KHDRBS2: variants seen among roughly 807,000 people sequenced by gnomAD.
KHDRBS2 encodes KH RNA binding domain containing, signal transduction associated 2.
In KHDRBS2, 26 loss-of-function variants were observed where a neutral mutation model predicts 44.3. That is an observed-to-expected ratio of 0.59 (90% confidence interval 0.43 to 0.81). KHDRBS2 has a LOEUF of 0.81. Among genes scored for constraint, KHDRBS2 ranks in the 40% least tolerant of loss-of-function variants. The pLI is 0.00. For synonymous variants in KHDRBS2, 194 were observed against 151.1 expected, an observed-to-expected ratio of 1.28 and a Z score of -2.08; for missense variants, 476 against 433.1, an observed-to-expected ratio of 1.10 and a Z score of -0.88.
the KHDRBS2 span, among the ~76,000 whole-genome samples, chr6:61,595,485 A>AAAC: frequency 2.0e-4 from 30 of 152,150 alleles, 1 homozygote; most frequent in East Asian, 1.7e-3. Context: ...TTTTTTTAAC[A>AAAC]AACACACATC....
intron 2 of KHDRBS2, among the ~76,000 whole-genome samples, chr6:62,096,900 T>C (rs1048663966): frequency 6.6e-6 from 1 of 151,888 alleles, no homozygotes; most frequent in African/African-American, 2.4e-5. Flanking sequence ...TGCTATAATT[T>C]TGGGAGTACT....
At chr6:62,246,215 A>G (rs1251532151) in intron 1 of KHDRBS2, among the ~76,000 whole-genome samples, 1 of 150,920 alleles carries the variant, frequency 6.6e-6, no homozygotes, top group East Asian at 1.9e-4. Flanking sequence ...AGAGGAATGT[A>G]TATTAAAATA....
intron 6 of KHDRBS2, among the ~76,000 whole-genome samples, chr6:61,857,791 A>G (rs917393385): frequency 6.6e-5 from 10 of 151,872 alleles, no homozygotes; most frequent in African/African-American, 2.4e-4. Context: ...TCTCTGCAAC[A>G]CCTTGAAATT....
chr6:62,241,708 C>T (rs542784565), intron 1 of KHDRBS2, among the ~76,000 whole-genome samples: 1 of 148,344 alleles, frequency 6.7e-6, no homozygotes, highest in African/African-American at 2.6e-5. Flanking sequence ...TATTTGACCA[C>T]AGGGATAATA....
chr6:61,644,336 C>A, the KHDRBS2 span, among the ~76,000 whole-genome samples: 1 of 151,950 alleles, frequency 6.6e-6, no homozygotes, highest in African/African-American at 2.4e-5. Flanking sequence ...AATGTAAAAC[C>A]CTGAATTATA....
chr6:61,912,803 G>A (rs1448692098), intron 4 of KHDRBS2, among the ~76,000 whole-genome samples: 1 of 152,160 alleles, frequency 6.6e-6, no homozygotes. Flanking sequence ...GTATGTTACA[G>A]AAAGGATTTA....
chr6:61,560,088 G>T, the KHDRBS2 span, among the ~76,000 whole-genome samples: 3 of 152,020 alleles, frequency 2.0e-5, no homozygotes, highest in Non-Finnish European at 4.4e-5. Flanking sequence ...GGCTATTTTA[G>T]GGTAAGGTTT....
At chr6:61,957,563 C>T (rs1400376512) in intron 4 of KHDRBS2, among the ~76,000 whole-genome samples, 7 of 152,112 alleles carry the variant, frequency 4.6e-5, no homozygotes, top group African/African-American at 9.7e-5. Flanking sequence ...CCCGGTCTCC[C>T]GTAGTGCTCC....
intron 4 of KHDRBS2, among the ~76,000 whole-genome samples, chr6:61,919,540 T>C (rs1303752489): frequency 1.3e-5 from 2 of 151,892 alleles, no homozygotes; most frequent in Admixed American, 6.6e-5. Context: ...AGACCATTTT[T>C]TTCCTCAATT....
In KHDRBS2 at chr6:61,816,776, C is replaced by A. The variant is rs879813018; in HGVS notation, c.810+77859G>T. The A allele has an allele frequency of 1.5e-4, 54 of 370,716 alleles. No individual in the cohort carries two copies. The Admixed American group carries it at 1.7e-3, about 11-fold the overall frequency. The allele number at this position is 370,716 out of a possible 1,614,324, so 23.0% of individuals were successfully genotyped here. A position where few individuals can be genotyped will look rare whatever the true frequency, so the allele number is the denominator to read the frequency against. On this transcript the variant is annotated intron_variant, in intron 6 of 8. Coordinates refer to ENST00000281156, the MANE Select transcript of KHDRBS2 (RefSeq NM_152688.4). The stretch of plus-strand genomic sequence containing the variant: ...TGAAACAAAATTAACTCACCATATT[C>A]ATTCAAGGTGACATTTAGAACTCTC...
At chr6:61,835,899 G>A (rs780229253) in intron 6 of KHDRBS2, among the ~76,000 whole-genome samples, 7 of 151,742 alleles carry the variant, frequency 4.6e-5, no homozygotes, top group African/African-American at 1.7e-4. Context: ...TTTCCTCAAC[G>A]CTCATGCACA....
the KHDRBS2 span, among the ~76,000 whole-genome samples, chr6:61,554,786 C>G: frequency 4.6e-5 from 7 of 152,254 alleles, no homozygotes; most frequent in East Asian, 1.4e-3. Flanking sequence ...TGGCTGGATA[C>G]AAAATTCTTG....
intron 6 of KHDRBS2, among the ~76,000 whole-genome samples, chr6:61,879,796 CATT>C (rs1184735972): frequency 6.6e-5 from 10 of 151,850 alleles, no homozygotes; most frequent in African/African-American, 9.6e-5. Context: ...AAATGAAAAA[CATT>C]AGTCAATAAT....
chr6:62,071,343 A>G (rs902294120), intron 2 of KHDRBS2, among the ~76,000 whole-genome samples: 1 of 152,138 alleles, frequency 6.6e-6, no homozygotes, highest in Admixed American at 6.6e-5. Flanking sequence ...TCTTGAGTTT[A>G]ATTAGATTCC....
chr6:61,754,715 G>T (rs542250106), intron 6 of KHDRBS2, among the ~76,000 whole-genome samples: 1 of 152,108 alleles, frequency 6.6e-6, no homozygotes, highest in African/African-American at 2.4e-5. Flanking sequence ...TGGACTGGAT[G>T]TAAATCAAGA....
At chr6:61,830,625 C>A (rs1304257286) in intron 6 of KHDRBS2, among the ~76,000 whole-genome samples, 2 of 152,100 alleles carry the variant, frequency 1.3e-5, no homozygotes, top group African/African-American at 4.8e-5. Flanking sequence ...GCTGGCAGTC[C>A]AACCTTTTCT....
At chr6:62,057,810 A>G (rs574914343) in intron 2 of KHDRBS2, among the ~76,000 whole-genome samples, 8 of 152,100 alleles carry the variant, frequency 5.3e-5, no homozygotes, top group African/African-American at 1.9e-4. Context: ...TATGCTTGTC[A>G]TTAAACAGTT....
At chr6:62,023,017 A>C (rs1043383579) in intron 3 of KHDRBS2, among the ~76,000 whole-genome samples, 2 of 151,668 alleles carry the variant, frequency 1.3e-5, no homozygotes, top group Non-Finnish European at 3.0e-5. Context: ...ACAAAAGGGC[A>C]GGCTTGTATG....
intron 4 of KHDRBS2, among the ~76,000 whole-genome samples, chr6:61,916,965 ATTTTT>A (rs10700035): frequency 1.1e-5 from 1 of 90,640 alleles, no homozygotes; most frequent in African/African-American, 4.3e-5. Context: ...GGAACTCTGT[ATTTTT>A]TTTTTTTTTT....
Sources: allele counts gnomAD v4.1 joint callset (sites outside exome capture counted in the v4.1 genomes callset), GRCh38; gene constraint gnomAD v4.1.1; transcripts MANE v1.5; gene names NCBI Gene and HGNC (gene_info 2026-07-23, HGNC 2026-07-21).